Variants in MCRIP2 observed in about 807,000 individuals in gnomAD.
MCRIP2 encodes the protein MAPK regulated co-repressor interacting protein 2.
In MCRIP2, 21 loss-of-function variants were observed where a neutral mutation model predicts 23.2. The ratio of observed to expected loss-of-function variants is 0.90; its 90% CI spans 0.64 to 1.30. The LOEUF (loss-of-function observed/expected upper bound fraction) is 1.30, where lower values mean the gene tolerates loss of function less well. Among genes scored for constraint, MCRIP2 ranks in the 50% most tolerant of loss-of-function variants. The pLI is 0.00. For missense variants in MCRIP2, 234 were observed against 223.2 expected, an observed-to-expected ratio of 1.05 and a Z score of -0.31; for synonymous variants, 121 against 100.2, an observed-to-expected ratio of 1.21 and a Z score of -1.24.
Position 646,997 on chromosome 16 carries a change from G to GT in MCRIP2, c.183-419dup, listed in dbSNP as rs2037498988. On this transcript the variant is annotated intron_variant, in intron 2 of 4. Transcript: ENST00000307650. This position sits in a 1 kb window ranked among gnomAD's most constrained non-coding sequence, Gnocchi z 6.5. ...AATGTGGCCTAGAACTACACCCAGA[G>GT]TGGGGGGGTTGGGGCAGAGAGACAT... 1 of 199,678 alleles carries GT rather than the reference G, an allele frequency of 5.0e-6. No individual in the cohort carries two copies. Among genetic ancestry groups the GT allele is most frequent in the East Asian group, 1.4e-4 (1 of 7,272 alleles). The allele number at this position is 199,678 out of a possible 1,614,324, so 12.4% of individuals were successfully genotyped here. A position where few individuals can be genotyped will look rare whatever the true frequency, so the allele number is the denominator to read the frequency against.
Position 647,474 on chromosome 16 carries a change from C to G in MCRIP2, c.240C>G (p.Ser80=), listed in dbSNP as rs146868807. The G allele has an allele frequency of 2.7e-5, 44 of 1,605,682 alleles. No homozygotes were observed. In the East Asian group the frequency reaches 7.9e-4, roughly 29 times the overall value. ...RVNGRRAPST[S]PSFEGTQETY... ...ATGGCCGGCGGGCCCCCTCCACGTC[C>G]CCATCCTTCGAGGGGACCCAGGAGA... Residue 80 remains serine (S), a synonymous_variant, in exon 3 of 5, where the codon TCC becomes TCG. Coordinates refer to ENST00000307650, the MANE Select transcript of MCRIP2 (RefSeq NM_138418.4).
chr16:642,028 G>C lies in MCRIP2; in HGVS notation c.37G>C (p.Ala13Pro). 6 of 1,323,452 alleles carry C rather than the reference G, an allele frequency of 4.5e-6. No homozygotes were observed. Among genetic ancestry groups the C allele is most frequent in the Non-Finnish European group, 5.8e-6 (6 of 1,039,188 alleles). 82.0% of individuals were successfully genotyped at this position (1,323,452 alleles called of 1,614,324 possible). The change falls in exon 1 of 5, where the codon GCG becomes CCG. Residue 13 changes from alanine (A) to proline (P), a missense_variant. Physicochemically the swap from Ala to Pro is conservative, Grantham distance 27. Coordinates refer to ENST00000307650, the MANE Select transcript of MCRIP2 (RefSeq NM_138418.4). ...CACCAAGGGGCCCAGCAAGCTGGTC[G>C]CGCAGCGCCGCACAGGTGCGCACGG... ...TITKGPSKLV[A>P]QRRTGPTQQQ... is the part of the protein sequence containing the mutation.
Position 646,968 on chromosome 16 carries a change from C to CCG in MCRIP2, c.183-449_183-448insCG. ...TGGAGATGGAGGTGCTTCTGTGGGGCGAGAATGTGGCCTAGAACTACACCC... is the reference window on the plus strand; with the variant it reads ...TGGAGATGGAGGTGCTTCTGTGGGGCCGGAGAATGTGGCCTAGAACTACACCC... On this transcript the variant is annotated intron_variant, in intron 2 of 4. Coordinates refer to ENST00000307650, the MANE Select transcript of MCRIP2 (RefSeq NM_138418.4). The surrounding 1 kb of genome is among the most constrained non-coding windows in gnomAD (Gnocchi z 6.5). 6.2e-6 allele frequency: 1 copy of CCG among 161,902 alleles called. No individual in the cohort carries two copies. The allele number at this position is 161,902 out of a possible 1,614,324, so 10.0% of individuals were successfully genotyped here. A position where few individuals can be genotyped will look rare whatever the true frequency, so the allele number is the denominator to read the frequency against.
Position 648,398 on chromosome 16 carries a change from A to G in MCRIP2, c.*208A>G, listed in dbSNP as rs1467182913. ...AACCCGTCTGACCTCAGCCCTGCTC[A>G]CTGTGCCCAGGGACCAGCGACCAGC... On this transcript the variant is annotated 3_prime_UTR_variant, in exon 5 of 5. Coordinates refer to ENST00000307650, the MANE Select transcript of MCRIP2 (RefSeq NM_138418.4). 1.7e-6 allele frequency: 1 copy of G among 592,644 alleles called. No individual in the cohort carries two copies. Among genetic ancestry groups the G allele is most frequent in the Non-Finnish European group, 3.0e-6 (1 of 332,832 alleles). The allele number at this position is 592,644 out of a possible 1,614,324, so 36.7% of individuals were successfully genotyped here. A position where few individuals can be genotyped will look rare whatever the true frequency, so the allele number is the denominator to read the frequency against.
At chr16:644,835 C>T (rs538003080) in intron 2 of MCRIP2, among the ~76,000 whole-genome samples, 2 of 152,162 alleles carry the variant, frequency 1.3e-5, no homozygotes, top group African/African-American at 4.8e-5. Context: ...TGCACATCTC[C>T]TGGTGCACCC....
At position 646,172 on chromosome 16, in the gene MCRIP2, T is replaced by G. The variant is rs577887829; in HGVS notation, c.183-1245T>G. 3 of 152,204 alleles carry G rather than the reference T, an allele frequency of 2.0e-5. No individual in the cohort carries two copies. Among genetic ancestry groups the G allele is most frequent in the Non-Finnish European group, 4.4e-5 (3 of 68,040 alleles). The allele number at this position is 152,204 out of a possible 1,614,324, so 9.4% of individuals were successfully genotyped here. A position where few individuals can be genotyped will look rare whatever the true frequency, so the allele number is the denominator to read the frequency against. On this transcript the variant is annotated intron_variant, in intron 2 of 4. Transcript: ENST00000307650. This position sits in a 1 kb window ranked among gnomAD's most constrained non-coding sequence, Gnocchi z 6.5. The stretch of plus-strand genomic sequence containing the variant: ...GAGAGCCGCCACCTCCGCCCTTCGA[T>G]TCACAGCCCCTGGCAATGTTCTTGT...
intron 3 of MCRIP2, 22 bp from the exon 4 acceptor site, chr16:647,761 C>T: frequency 1.3e-6 from 2 of 1,549,746 alleles, no homozygotes; most frequent in Non-Finnish European, 8.7e-7. Context: ...CCTGGCTCAG[C>T]CCGACTGCCC....
Position 647,402 on chromosome 16 carries a change from C to T in MCRIP2, c.183-15C>T, listed in dbSNP as rs764788434. 3 of 1,612,418 alleles carry T rather than the reference C, an allele frequency of 1.9e-6. No individual in the cohort carries two copies. Among genetic ancestry groups the T allele is most frequent in the East Asian group, 2.2e-5 (1 of 44,874 alleles). On this transcript the variant is annotated splice_polypyrimidine_tract_variant and intron_variant, in intron 2 of 4. Coordinates refer to ENST00000307650, the MANE Select transcript of MCRIP2 (RefSeq NM_138418.4). Reference sequence around the variant, plus strand: ...GGATGGGCACCAACCATGTCCGTCTCCTCCCTTCCTGCAGTCCAGGGCCAA... The same window carrying T: ...GGATGGGCACCAACCATGTCCGTCTTCTCCCTTCCTGCAGTCCAGGGCCAA...
At position 641,942 on chromosome 16, in the gene MCRIP2, C is replaced by G. The variant is rs1596447357; in HGVS notation, c.-50C>G. The G allele has an allele frequency of 2.3e-6, 3 of 1,279,856 alleles. No homozygotes were observed. Among genetic ancestry groups the G allele is most frequent in the East Asian group, 6.5e-5 (2 of 30,920 alleles). 79.3% of individuals were successfully genotyped at this position (1,279,856 alleles called of 1,614,324 possible). ...AGTCCGTTAAGTGCGAGCCCCGGCG[C>G]AGGGGCCGGATCTGGCCGGGGGCCG... On this transcript the variant is annotated 5_prime_UTR_variant, in exon 1 of 5. Coordinates refer to ENST00000307650, the MANE Select transcript of MCRIP2 (RefSeq NM_138418.4).
intron 2 of MCRIP2, among the ~76,000 whole-genome samples, chr16:643,857 G>T (rs1430428412): frequency 3.3e-5 from 5 of 152,078 alleles, no homozygotes; most frequent in African/African-American, 1.2e-4. Context: ...CCCATGTGAG[G>T]TCCTCTGTCA....
At position 647,835 on chromosome 16, in the gene MCRIP2, G is replaced by A. The variant is rs1204122993; in HGVS notation, c.363G>A (p.Gly121=). ...QLDGGPAGEG[G]PRPVQYVERT... is the part of the protein sequence containing the mutation. Reference sequence around the variant, plus strand: ...ATGGTGGCCCAGCCGGTGAGGGCGGGCCAAGGCCTGTGCAGTACGTGGAGA... The same window carrying A: ...ATGGTGGCCCAGCCGGTGAGGGCGGACCAAGGCCTGTGCAGTACGTGGAGA... Residue 121 remains glycine, a synonymous_variant, in exon 4 of 5, where the codon GGG becomes GGA. Transcript: ENST00000307650. The A allele has an allele frequency of 6.3e-7, 1 of 1,577,896 alleles. No individual in the cohort carries two copies.
Position 641,911 on chromosome 16 carries a change from G to T in MCRIP2, c.-81G>T, listed in dbSNP as rs1222451683. 5.0e-6 allele frequency: 6 copies of T among 1,211,296 alleles called. No individual in the cohort carries two copies. In the East Asian group the frequency reaches 1.3e-4, roughly 27 times the overall value. 75.0% of individuals were successfully genotyped at this position (1,211,296 alleles called of 1,614,324 possible). On this transcript the variant is annotated 5_prime_UTR_variant, in exon 1 of 5. Coordinates refer to ENST00000307650, the MANE Select transcript of MCRIP2 (RefSeq NM_138418.4). Reference sequence around the variant, plus strand: ...AGCGGGCCCGCCCCCTCCCCGCGGCGCCCGCAGTCCGTTAAGTGCGAGCCC... The same window carrying T: ...AGCGGGCCCGCCCCCTCCCCGCGGCTCCCGCAGTCCGTTAAGTGCGAGCCC...
At chr16:642,304 C>T in intron 2 of MCRIP2, 55 bp downstream of exon 2, 10 of 1,140,638 alleles carry the variant, frequency 8.8e-6, no homozygotes, top group Admixed American at 4.8e-5. Flanking sequence ...CCCCCGCCGG[C>T]CGCCCTAGAG....
At position 647,806 on chromosome 16, in the gene MCRIP2, C is replaced by A; in HGVS notation, c.334C>A (p.Leu112Met). The change falls in exon 4 of 5, where the codon CTG (leucine) becomes ATG (methionine). Residue 112 changes from leucine to methionine, a missense_variant. Physicochemically the swap from Leu to Met is conservative, Grantham distance 15. Coordinates refer to ENST00000307650, the MANE Select transcript of MCRIP2 (RefSeq NM_138418.4). ...SEAWQQVQQQ[L>M]DGGPAGEGGP... ...AGCCTGGCAGCAGGTGCAACAGCAG[C>A]TGGATGGTGGCCCAGCCGGTGAGGG... is the stretch of plus-strand genomic sequence containing the variant. 2 of 1,573,368 alleles carry A rather than the reference C, an allele frequency of 1.3e-6. No homozygotes were observed. Among genetic ancestry groups the A allele is most frequent in the Non-Finnish European group, 1.7e-6 (2 of 1,160,224 alleles).
intron 2 of MCRIP2, among the ~76,000 whole-genome samples, chr16:644,175 G>C (rs183962956): frequency 6.6e-6 from 1 of 152,062 alleles, no homozygotes; most frequent in Non-Finnish European, 1.5e-5. Context: ...TCTGCCTCCT[G>C]GGTTCAAGCG....
Position 647,560 on chromosome 16 carries a change from A to G in MCRIP2, c.310+16A>G, listed in dbSNP as rs2037518325. 2 of 1,612,402 alleles carry G rather than the reference A, an allele frequency of 1.2e-6. No homozygotes were observed. Among genetic ancestry groups the G allele is most frequent in the East Asian group, 2.2e-5 (1 of 44,858 alleles). On this transcript the variant is annotated intron_variant, in intron 3 of 4. Coordinates refer to ENST00000307650, the MANE Select transcript of MCRIP2 (RefSeq NM_138418.4). ...GTGTCCGAAGGTAGCGAGCGGGGCC[A>G]GAGGGTGCGGCATAGGCTGCTGGGT... is the stretch of plus-strand genomic sequence containing the variant.
At position 647,885 on chromosome 16, in the gene MCRIP2, G is replaced by C; in HGVS notation, c.412+1G>C. 1 of 1,532,084 alleles carries C rather than the reference G, an allele frequency of 6.5e-7. No homozygotes were observed. The highest frequency in any genetic ancestry group is 8.8e-7 in the Non-Finnish European group (1 of 1,135,322). 94.9% of individuals were successfully genotyped at this position (1,532,084 alleles called of 1,614,324 possible). ...AGGACCCCCAATCCCCGGCTGCAGAGTGAGCCCCCCAACCCTGTCCCCCCA... is the reference window on the plus strand; with the variant it reads ...AGGACCCCCAATCCCCGGCTGCAGACTGAGCCCCCCAACCCTGTCCCCCCA... On this transcript the variant is annotated splice_donor_variant, in intron 4 of 4. Transcript: ENST00000307650. LOFTEE classifies it high-confidence loss of function.
In MCRIP2 at chr16:646,931, A is replaced by G; in HGVS notation, c.183-486A>G. 5.9e-6 allele frequency: 1 copy of G among 170,094 alleles called. No homozygotes were observed. Among genetic ancestry groups the G allele is most frequent in the South Asian group, 1.4e-4 (1 of 7,134 alleles). The allele number at this position is 170,094 out of a possible 1,614,324, so 10.5% of individuals were successfully genotyped here. A position where few individuals can be genotyped will look rare whatever the true frequency, so the allele number is the denominator to read the frequency against. On this transcript the variant is annotated intron_variant, in intron 2 of 4. Transcript: ENST00000307650. The surrounding 1 kb of genome is among the most constrained non-coding windows in gnomAD (Gnocchi z 6.5). ...CCCGTCCAGGTCCATCCGTCCATGGAGGGAAACATCGTGGAGATGGAGGTG... is the reference window on the plus strand; with the variant it reads ...CCCGTCCAGGTCCATCCGTCCATGGGGGGAAACATCGTGGAGATGGAGGTG...
chr16:642,392 G>T (rs1269622774), intron 2 of MCRIP2, 143 bp downstream of exon 2: 19 of 814,446 alleles, frequency 2.3e-5, no homozygotes, highest in Middle Eastern at 4.9e-4. Context: ...GGCGCGGGGG[G>T]TGCGCGGGTC....
Sources: allele counts gnomAD v4.1 joint callset (sites outside exome capture counted in the v4.1 genomes callset), GRCh38; gene constraint gnomAD v4.1.1; non-coding constraint Gnocchi (gnomAD v3.1); transcripts MANE v1.5; gene names NCBI Gene and HGNC (gene_info 2026-07-23, HGNC 2026-07-21).